Variants in BACH2 observed in about 807,000 individuals in gnomAD.
The protein encoded by BACH2 is transcription regulator protein BACH2.
A neutral mutation model predicts 61.8 loss-of-function variants in BACH2; 5 were observed. The ratio of observed to expected loss-of-function variants is 0.08; its 90% CI spans 0.04 to 0.17. The LOEUF is 0.17. BACH2 is among the 10% of genes least tolerant of loss of function. The probability of loss-of-function intolerance (pLI) is 1.00; values close to 1 mark genes in which losing one functional copy is unlikely to be tolerated. For missense variants in BACH2, 824 were observed against 1,091.1 expected (o/e 0.76, Z 3.45); for synonymous variants, 446 against 440.1 (o/e 1.01, Z -0.17).
Position 90,070,144 on chromosome 6 carries a change from G to A in BACH2, c.-13+18817C>T, listed in dbSNP as rs149026156. Among the ~76,000 whole-genome samples the A allele has an allele frequency of 3.7e-3, 569 of 152,302 alleles. 7 individuals carry two copies. Among genetic ancestry groups the A allele is most frequent in the Admixed American group, 0.014 (221 of 15,302 alleles). On this transcript the variant is annotated intron_variant, in intron 5 of 8. Transcript: ENST00000257749. ...TGTACTGGTGACAAAACTGAGTTTA[G>A]AGGTTGTTGGTCAAGGAGCAGGGGT... is the stretch of plus-strand genomic sequence containing the variant.
intron 4 of BACH2, among the ~76,000 whole-genome samples, chr6:90,096,059 C>G (rs566356608): frequency 1.3e-5 from 2 of 152,314 alleles, no homozygotes; most frequent in Admixed American, 6.5e-5. Flanking sequence ...GCGAAGGAAA[C>G]ATGACCACTT....
At chr6:90,144,536 T>A (rs1386224553) in intron 4 of BACH2, among the ~76,000 whole-genome samples, 2 of 152,012 alleles carry the variant, frequency 1.3e-5, no homozygotes, top group African/African-American at 4.8e-5. Context: ...AAAAGGGAGA[T>A]CCTGGCTGGG....
In BACH2 at chr6:90,118,239, G is replaced by A. The variant is rs74965415; in HGVS notation, c.-161-29130C>T. Reference sequence around the variant, plus strand: ...GGAACCATCTATTATTCATACTAAGGGAACAGGGACAATGGCTTCACACAG... The same window carrying A: ...GGAACCATCTATTATTCATACTAAGAGAACAGGGACAATGGCTTCACACAG... On this transcript the variant is annotated intron_variant, in intron 4 of 8. Coordinates refer to ENST00000257749, the MANE Select transcript of BACH2 (RefSeq NM_021813.4). 6.2e-4 allele frequency among the ~76,000 whole-genome samples: 95 copies of A among 152,246 alleles called. No individual in the cohort carries two copies. In the East Asian group the frequency reaches 0.017, roughly 28 times the overall value.
chr6:90,086,725 A>G (rs1781948441), intron 5 of BACH2, among the ~76,000 whole-genome samples: 1 of 152,184 alleles, frequency 6.6e-6, no homozygotes, highest in Non-Finnish European at 1.5e-5. Context: ...AGGTCATCCC[A>G]CAGGAACACT....
rs1772733544 is a variant in BACH2 at position 89,932,633 on chromosome 6, G to C, written c.2301C>G (p.Pro767=). 5 of 1,613,964 alleles carry C rather than the reference G, an allele frequency of 3.1e-6. No individual in the cohort carries two copies. The highest frequency in any genetic ancestry group is 4.2e-6 in the Non-Finnish European group (5 of 1,180,010). Residue 767 remains proline, a synonymous_variant, in exon 9 of 9, where the codon CCC becomes CCG. Transcript: ENST00000257749. ...ASQCAVGENV[P]CCLEPGAAPP... The stretch of plus-strand genomic sequence containing the variant: ...GAGCCGCGCCTGGCTCCAAGCAGCA[G>C]GGCACGTTTTCCCCCACTGCGCATT...
At chr6:90,245,229 A>G (rs138172361) in intron 3 of BACH2, among the ~76,000 whole-genome samples, 396 of 152,260 alleles carry the variant, frequency 2.6e-3, no homozygotes, top group Non-Finnish European at 4.4e-3. Context: ...GTACTTTTTA[A>G]GTAAACTGAT....
Position 90,159,801 on chromosome 6 carries a change from C to G in BACH2, c.-162+46768G>C, listed in dbSNP as rs147514863. Among the ~76,000 whole-genome samples the G allele has an allele frequency of 8.1e-4, 124 of 152,166 alleles. 1 individual carries two copies. The highest frequency in any genetic ancestry group is 2.7e-3 in the African/African-American group (114 of 41,512). Reference sequence around the variant, plus strand: ...GGGATGGGAAAGAGGCGGATACAGGCCAAAGGAGGAATAGTGCTTATTTTG... The same window carrying G: ...GGGATGGGAAAGAGGCGGATACAGGGCAAAGGAGGAATAGTGCTTATTTTG... On this transcript the variant is annotated intron_variant, in intron 4 of 8. Transcript: ENST00000257749.
chr6:89,969,071 T>A (rs1262170211), intron 6 of BACH2, among the ~76,000 whole-genome samples: 1 of 149,560 alleles, frequency 6.7e-6, no homozygotes, highest in Admixed American at 6.6e-5. Context: ...TTTTTTTTTT[T>A]AGGCTGAGTT....
intron 4 of BACH2, among the ~76,000 whole-genome samples, chr6:90,204,324 C>T (rs1182478685): frequency 6.6e-6 from 1 of 152,132 alleles, no homozygotes; most frequent in Non-Finnish European, 1.5e-5. Context: ...AGCACTCCAA[C>T]TAACACCATA....
intron 4 of BACH2, among the ~76,000 whole-genome samples, chr6:90,202,686 C>A (rs1051395763): frequency 4.6e-5 from 7 of 152,014 alleles, no homozygotes; most frequent in African/African-American, 1.7e-4. Context: ...GATGGAGTGT[C>A]CTCATAAATT....
chr6:90,098,409 A>G (rs1356136772), intron 4 of BACH2, among the ~76,000 whole-genome samples: 4 of 152,190 alleles, frequency 2.6e-5, no homozygotes, highest in African/African-American at 9.7e-5. Context: ...CTGTGAGATC[A>G]TTCACTAAGA....
intron 5 of BACH2, among the ~76,000 whole-genome samples, chr6:90,078,203 C>T (rs1359627998): frequency 6.6e-6 from 1 of 152,140 alleles, no homozygotes; most frequent in African/African-American, 2.4e-5. Flanking sequence ...CCCATTTCCA[C>T]CTGAAATATT....
chr6:90,211,866 A>G (rs981097320), intron 3 of BACH2, among the ~76,000 whole-genome samples: 6 of 152,200 alleles, frequency 3.9e-5, no homozygotes, highest in African/African-American at 1.4e-4. Context: ...GCTTTTAGAC[A>G]TAACGTACCA....
chr6:90,271,157 T>G (rs1461004213), intron 2 of BACH2, among the ~76,000 whole-genome samples: 3 of 151,908 alleles, frequency 2.0e-5, no homozygotes, highest in Non-Finnish European at 4.4e-5. Flanking sequence ...AGACATTGGC[T>G]TAGGCAAAAA....
At chr6:90,249,932 G>A (rs549760307) in intron 3 of BACH2, among the ~76,000 whole-genome samples, 67 of 152,220 alleles carry the variant, frequency 4.4e-4, no homozygotes, top group African/African-American at 1.6e-3. Flanking sequence ...TTTAATAGGT[G>A]GTAGGTTTTT....
chr6:90,004,865 G>A (rs548484023), intron 6 of BACH2, among the ~76,000 whole-genome samples: 1 of 152,164 alleles, frequency 6.6e-6, no homozygotes, highest in Non-Finnish European at 1.5e-5. Context: ...TGTAATGAAA[G>A]TACTAAGTAC....
intron 3 of BACH2, among the ~76,000 whole-genome samples, chr6:90,240,915 T>C (rs1459727248): frequency 2.0e-5 from 3 of 152,044 alleles, no homozygotes; most frequent in African/African-American, 7.2e-5. Context: ...CCAACAGATA[T>C]TACTTTTGAA....
At chr6:90,260,391 T>A (rs1771117823) in intron 2 of BACH2, among the ~76,000 whole-genome samples, 1 of 152,236 alleles carries the variant, frequency 6.6e-6, no homozygotes, top group Non-Finnish European at 1.5e-5. Flanking sequence ...GTCTAGTTTA[T>A]ACCACTGTGG....
intron 5 of BACH2, among the ~76,000 whole-genome samples, chr6:90,043,530 T>G (rs1245237179): frequency 2.8e-5 from 4 of 145,414 alleles, no homozygotes; most frequent in Non-Finnish European, 4.5e-5. Flanking sequence ...CTCTCTCTCC[T>G]CCCTCACTCC....
Sources: allele counts gnomAD v4.1 joint callset (sites outside exome capture counted in the v4.1 genomes callset), GRCh38; gene constraint gnomAD v4.1.1; transcripts MANE v1.5; gene names NCBI Gene and HGNC (gene_info 2026-07-23, HGNC 2026-07-21).